Variants in RBP2 observed in about 807,000 individuals in gnomAD.
RBP2 encodes retinol-binding protein 2.
Under a neutral mutation model 17.0 loss-of-function variants are expected in RBP2, and 17 were observed. The observed-to-expected ratio is 1.00, with a 90% CI of 0.68 to 1.50. The LOEUF (loss-of-function observed/expected upper bound fraction) is 1.50, where lower values mean the gene tolerates loss of function less well. RBP2 is among the 40% of genes most tolerant of loss of function. The pLI is 0.00. For missense variants in RBP2, 158 were observed against 168.2 expected, an observed-to-expected ratio of 0.94 and a Z score of 0.33; for synonymous variants, 48 against 57.1, an observed-to-expected ratio of 0.84 and a Z score of 0.72.
intron 3 of RBP2, 71 bp from the exon 4 acceptor site, chr3:139,453,237 G>C: frequency 6.5e-7 from 1 of 1,538,176 alleles, no homozygotes; most frequent in Non-Finnish European, 9.0e-7. Context: ...CAGCCCCCTT[G>C]GTATCTGGGG....
chr3:139,459,433 T>TGTGTGTGTGTGTG (rs1553721536), intron 2 of RBP2, among the ~76,000 whole-genome samples: 2 of 147,618 alleles, frequency 1.4e-5, no homozygotes, highest in Admixed American at 6.8e-5. Flanking sequence ...TGTGTGTGTA[T>TGTGTGTGTGTGTG]TCATATTTAC....
Position 139,452,972 on chromosome 3 carries a change from A to G in RBP2, c.*144T>C. The G allele has an allele frequency of 2.5e-6, 2 of 812,116 alleles. No individual in the cohort carries two copies. The highest frequency in any genetic ancestry group is 4.2e-6 in the Non-Finnish European group (2 of 480,838). 50.3% of individuals were successfully genotyped at this position (812,116 alleles called of 1,614,324 possible). ...GGGAATATGTCTATCACTGCTACATAGGCATTCTGTTTAAAACCCACCCAG... is the reference window on the plus strand; with the variant it reads ...GGGAATATGTCTATCACTGCTACATGGGCATTCTGTTTAAAACCCACCCAG... On this transcript the variant is annotated 3_prime_UTR_variant, in exon 4 of 4. Transcript: ENST00000232217.
chr3:139,472,637 A>T (rs1933605264), intron 1 of RBP2, among the ~76,000 whole-genome samples: 1 of 152,224 alleles, frequency 6.6e-6, no homozygotes, highest in Non-Finnish European at 1.5e-5. Flanking sequence ...TGAGTAAGGA[A>T]GCCTGAGATG....
intron 2 of RBP2, among the ~76,000 whole-genome samples, chr3:139,456,622 C>T (rs13092935): frequency 0.27 from 41,173 of 152,064 alleles, 7,036 homozygotes; most frequent in East Asian, 0.86. Flanking sequence ...ATGCATATGT[C>T]TGTACATGTT....
At chr3:139,463,438 G>A (rs973318762) in intron 1 of RBP2, among the ~76,000 whole-genome samples, 3 of 151,914 alleles carry the variant, frequency 2.0e-5, no homozygotes, top group East Asian at 1.9e-4. Context: ...TGCCCACCTC[G>A]GCCTCCCAAA....
chr3:139,457,443 A>T (rs1054849598), intron 2 of RBP2, among the ~76,000 whole-genome samples: 4 of 152,198 alleles, frequency 2.6e-5, no homozygotes, highest in African/African-American at 7.2e-5. Context: ...GGAAGGAAGG[A>T]AGAAGGAAGG....
chr3:139,473,569 G>A (rs573935831), intron 1 of RBP2, among the ~76,000 whole-genome samples: 1 of 152,328 alleles, frequency 6.6e-6, no homozygotes, highest in Non-Finnish European at 1.5e-5. Context: ...AATGCTAAGG[G>A]TCTCTCTGCT....
chr3:139,468,542 C>T (rs1259008843), intron 1 of RBP2, among the ~76,000 whole-genome samples: 1 of 152,124 alleles, frequency 6.6e-6, no homozygotes, highest in African/African-American at 2.4e-5. Context: ...GTTTGCACAA[C>T]CCAGTAAATC....
chr3:139,465,254 T>C (rs1455270424), intron 1 of RBP2, among the ~76,000 whole-genome samples: 1 of 152,162 alleles, frequency 6.6e-6, no homozygotes, highest in African/African-American at 2.4e-5. Context: ...CTGCGAGCCA[T>C]GCTGTGTGGA....
chr3:139,462,558 AACACACACACACACACAC>A (rs59601422), intron 1 of RBP2, among the ~76,000 whole-genome samples: 2 of 121,348 alleles, frequency 1.6e-5, no homozygotes, highest in Non-Finnish European at 3.3e-5. Context: ...GCAGCTCCCC[AACACACACACACACACAC>A]ACACACACAC....
chr3:139,454,878 C>G, intron 2 of RBP2, 48 bp from the exon 3 acceptor site: 4 of 1,554,634 alleles, frequency 2.6e-6, no homozygotes, highest in Non-Finnish European at 3.6e-6. Flanking sequence ...TCTTGAGGGA[C>G]TGAACAAATC....
intron 1 of RBP2, among the ~76,000 whole-genome samples, chr3:139,465,365 G>A (rs371962701): frequency 6.6e-6 from 1 of 152,170 alleles, no homozygotes; most frequent in African/African-American, 2.4e-5. Context: ...GGCTCAGGGT[G>A]TAACCTCCCT....
chr3:139,469,324 TCCTTCTAGGCA>T, intron 1 of RBP2, among the ~76,000 whole-genome samples: 1 of 152,278 alleles, frequency 6.6e-6, no homozygotes, highest in East Asian at 1.9e-4. Context: ...TCCTCTCACT[TCCTTCTAGGCA>T]CCGGGGGCAG....
chr3:139,462,043 A>G, intron 2 of RBP2, 69 bp downstream of exon 2: 7 of 1,504,362 alleles, frequency 4.7e-6, no homozygotes, highest in East Asian at 2.3e-5. Flanking sequence ...TTTTTTTTTC[A>G]TCATGATACC....
chr3:139,458,378 A>G (rs1222302013), intron 2 of RBP2, among the ~76,000 whole-genome samples: 4 of 152,128 alleles, frequency 2.6e-5, no homozygotes, highest in African/African-American at 4.8e-5. Flanking sequence ...TGCCATCAGA[A>G]TGGCATTATT....
intron 2 of RBP2, among the ~76,000 whole-genome samples, chr3:139,457,820 G>C (rs1015166747): frequency 6.6e-6 from 1 of 152,186 alleles, no homozygotes; most frequent in East Asian, 1.9e-4. Context: ...AGGGCAGATA[G>C]CTGTACACAG....
At position 139,454,805 on chromosome 3, in the gene RBP2, A is replaced by G. The variant is rs1486758980; in HGVS notation, c.278T>C (p.Val93Ala). 5 of 1,614,074 alleles carry G rather than the reference A, an allele frequency of 3.1e-6. No homozygotes were observed. Among genetic ancestry groups the G allele is most frequent in the Non-Finnish European group, 4.2e-6 (5 of 1,180,042 alleles). ...CTCCCCCTTTTGCACACACACAAGG[A>G]CATCACCTTCCCAGGTGACCAGTGC... is the stretch of plus-strand genomic sequence containing the variant. ...VKALVTWEGD[V>A]LVCVQKGEKE... The change falls in exon 3 of 4, where the codon GTC (valine) becomes GCC (alanine). Residue 93 changes from valine to alanine, a missense_variant. Physicochemically the swap from Val to Ala is moderately conservative, Grantham distance 64 (BLOSUM62 0). Transcript: ENST00000232217.
At chr3:139,464,946 G>C (rs1213455912) in intron 1 of RBP2, among the ~76,000 whole-genome samples, 1 of 152,158 alleles carries the variant, frequency 6.6e-6, no homozygotes, top group African/African-American at 2.4e-5. Flanking sequence ...ATAGGAGGCT[G>C]TTTGGAAAAA....
intron 2 of RBP2, among the ~76,000 whole-genome samples, chr3:139,457,439 A>T (rs1933011257): frequency 1.3e-5 from 2 of 152,166 alleles, no homozygotes; most frequent in Non-Finnish European, 2.9e-5. Flanking sequence ...TTATGGAAGG[A>T]AGGAAGAAGG....
Sources: allele counts gnomAD v4.1 joint callset (sites outside exome capture counted in the v4.1 genomes callset), GRCh38; gene constraint gnomAD v4.1.1; transcripts MANE v1.5; gene names NCBI Gene and HGNC (gene_info 2026-07-23, HGNC 2026-07-21).